Variants in UPRT observed in about 807,000 individuals in gnomAD.
The protein encoded by UPRT is RP11-311P8.3.
A neutral mutation model predicts 22.6 loss-of-function variants in UPRT; 5 were observed. That is an observed-to-expected ratio of 0.22 (90% confidence interval 0.12 to 0.47). UPRT has a LOEUF of 0.47. Ranked by LOEUF, UPRT falls within the 20% of genes least tolerant of loss-of-function variation. UPRT has a pLI of 0.99. For synonymous variants in UPRT, 77 were observed against 87.7 expected, an observed-to-expected ratio of 0.88 and a Z score of 0.68; for missense variants, 181 against 239.9, an observed-to-expected ratio of 0.75 and a Z score of 1.62.
chrX:75,203,689 T>C (rs1337150369), intron 4 of UPRT, among the ~76,000 whole-genome samples: 7 of 110,231 alleles, frequency 6.4e-5, no homozygotes, highest in Non-Finnish European at 1.3e-4. Flanking sequence ...CATGGGCTGC[T>C]GCCTGGAAAA....
chrX:75,304,169 A>G lies in UPRT; in HGVS notation c.*658A>G, dbSNP rs768911259. On this transcript the variant is annotated 3_prime_UTR_variant, in exon 7 of 7. Coordinates refer to ENST00000373383, the MANE Select transcript of UPRT (RefSeq NM_145052.4). ...AGAAGATGGTGGGGCATTTTTAGTA[A>G]TTGGAACTGTAACATTAATTTACAA... is the stretch of plus-strand genomic sequence containing the variant. The G allele has an allele frequency of 1.8e-5, 2 of 111,525 alleles. No homozygotes were observed. The highest frequency in any genetic ancestry group is 3.3e-5 in the African/African-American group (1 of 30,733). 9.2% of individuals were successfully genotyped at this position (111,525 alleles called of 1,213,427 possible). A position where few individuals can be genotyped will look rare whatever the true frequency, so the allele number is the denominator to read the frequency against.
At chrX:75,200,068 G>C (rs2082343508) in intron 4 of UPRT, among the ~76,000 whole-genome samples, 1 of 112,139 alleles carries the variant, frequency 8.9e-6, no homozygotes. Context: ...GGTTCAACCA[G>C]TCACTCAGAT....
intron 3 of UPRT, among the ~76,000 whole-genome samples, chrX:75,166,190 A>G (rs2082212777): frequency 9.0e-6 from 1 of 111,641 alleles, no homozygotes; most frequent in Admixed American, 9.5e-5. Flanking sequence ...TTTTGTACTC[A>G]TTGTATATGA....
rs184986668 is a variant in UPRT at position 75,163,648 on chromosome X, A to T, written c.-521+423A>T. 4.7e-3 allele frequency among the ~76,000 whole-genome samples: 531 copies of T among 112,384 alleles called. 5 individuals are homozygous for T. The highest frequency in any genetic ancestry group is 5.4e-3 in the Non-Finnish European group (286 of 53,255). On this transcript the variant is annotated intron_variant, in intron 3 of 13. Transcript: ENST00000652605. ...CCTGAACATGAATGTTTATAGCAGC[A>T]TTGTTTAGAATAGCCAAAAAGTAGA...
intron 6 of UPRT, among the ~76,000 whole-genome samples, chrX:75,301,704 G>A (rs1358539132): frequency 9.0e-6 from 1 of 111,643 alleles, no homozygotes; most frequent in Non-Finnish European, 1.9e-5. Flanking sequence ...AATGTACATG[G>A]TAAATGTAAA....
At chrX:75,181,698 A>G (rs908152633) in intron 4 of UPRT, among the ~76,000 whole-genome samples, 3 of 112,008 alleles carry the variant, frequency 2.7e-5, no homozygotes, top group African/African-American at 9.7e-5. Flanking sequence ...TTTACTTTGT[A>G]TCACGAAACT....
At chrX:75,157,338 T>G (rs977101733) in intron 1 of UPRT, among the ~76,000 whole-genome samples, 6 of 112,360 alleles carry the variant, frequency 5.3e-5, no homozygotes, top group African/African-American at 1.9e-4. Flanking sequence ...CAGTTAGCTT[T>G]TTTGTTCTGG....
chrX:75,241,924 G>T (rs748640286), intron 4 of UPRT, among the ~76,000 whole-genome samples: 19 of 110,706 alleles, frequency 1.7e-4, no homozygotes, highest in Non-Finnish European at 3.0e-4. Flanking sequence ...TTGAGAGGAA[G>T]GGTGGGAAGG....
intron 1 of UPRT, among the ~76,000 whole-genome samples, chrX:75,288,958 G>C (rs769021275): frequency 7.2e-5 from 8 of 111,497 alleles, no homozygotes; most frequent in Non-Finnish European, 1.1e-4. Context: ...CCACCAAAAG[G>C]CTCCTGGAAC....
At chrX:75,186,759 C>G (rs1380570649) in intron 4 of UPRT, among the ~76,000 whole-genome samples, 1 of 111,884 alleles carries the variant, frequency 8.9e-6, no homozygotes, top group Non-Finnish European at 1.9e-5. Flanking sequence ...TTGAATTGAT[C>G]CCTTTACCAT....
chrX:75,284,582 C>T (rs918617491), intron 1 of UPRT, among the ~76,000 whole-genome samples: 1 of 111,354 alleles, frequency 9.0e-6, no homozygotes, highest in African/African-American at 3.3e-5. Flanking sequence ...GATCCAGCTA[C>T]CCAGAGAGTC....
At position 75,301,059 on chromosome X, in the gene UPRT, T is replaced by C. The variant is rs2082742682; in HGVS notation, c.823+94T>C. The C allele has an allele frequency of 5.2e-6, 3 of 572,913 alleles. No individual in the cohort carries two copies. The African/African-American group carries it at 7.0e-5, about 13-fold the overall frequency. The allele number at this position is 572,913 out of a possible 1,213,427, so 47.2% of individuals were successfully genotyped here. On this transcript the variant is annotated intron_variant, in intron 6 of 6. Transcript: ENST00000373383. ...GCTTCTAATCCTGAGGAAAAGTTTA[T>C]CTGCTTTCACATTAAATCTGAATCT...
chrX:75,188,343 G>T (rs1362478778), intron 4 of UPRT, among the ~76,000 whole-genome samples: 2 of 111,945 alleles, frequency 1.8e-5, no homozygotes, highest in Non-Finnish European at 3.8e-5. Context: ...TCGGTGGTCA[G>T]GGGTCAGGGA....
chrX:75,300,522 C>T (rs1036797640), intron 5 of UPRT, among the ~76,000 whole-genome samples: 16 of 111,963 alleles, frequency 1.4e-4, no homozygotes, highest in Non-Finnish European at 2.3e-4. Context: ...TGCTGTGGCT[C>T]ACACCTGTAA....
At chrX:75,266,805 G>A (rs1468874257) in intron 4 of UPRT, among the ~76,000 whole-genome samples, 2 of 111,374 alleles carry the variant, frequency 1.8e-5, no homozygotes, top group Non-Finnish European at 3.8e-5. Flanking sequence ...CTCAAAAGAA[G>A]ACATTTATGC....
At position 75,296,476 on chromosome X, in the gene UPRT, T is replaced by C. The variant is rs2082726181; in HGVS notation, c.499+65T>C. 3.1e-6 allele frequency: 3 copies of C among 968,559 alleles called. No individual in the cohort carries two copies. The South Asian group carries it at 6.1e-5, about 20-fold the overall frequency. 79.8% of individuals were successfully genotyped at this position (968,559 alleles called of 1,213,427 possible). On this transcript the variant is annotated intron_variant, in intron 3 of 6. Transcript: ENST00000373383. ...TTCTGAGCTAGAATGGGGAAAGATG[T>C]AAGTAAAGCAGTCTAAGTAAAATAA...
chrX:75,205,198 G>T (rs1160654379), intron 4 of UPRT, among the ~76,000 whole-genome samples: 3 of 107,298 alleles, frequency 2.8e-5, no homozygotes, highest in Non-Finnish European at 3.9e-5. Flanking sequence ...GTGAAACCCC[G>T]TCTCTACTAA....
chrX:75,290,712 G>T (rs779218351), intron 1 of UPRT, among the ~76,000 whole-genome samples: 2 of 110,997 alleles, frequency 1.8e-5, no homozygotes, highest in East Asian at 5.7e-4. Flanking sequence ...ATCAAATACT[G>T]CATGTTCTCA....
intron 4 of UPRT, among the ~76,000 whole-genome samples, chrX:75,190,643 A>G (rs5981796): frequency 0.029 from 3,214 of 111,882 alleles, 116 homozygotes; most frequent in African/African-American, 0.1. Context: ...GTCTTTTCAC[A>G]TAGTCCCATA....
Sources: gnomAD v4.1 joint callset for allele counts (sites outside exome capture counted in the v4.1 genomes callset) on GRCh38, gnomAD v4.1.1 for gene constraint, MANE v1.5 for transcripts, NCBI Gene and HGNC (gene_info 2026-07-23, HGNC 2026-07-21) for gene names.